SYNDIG1: variants seen among roughly 807,000 people sequenced by gnomAD.
SYNDIG1 encodes the protein synapse differentiation inducing 1.
SYNDIG1 carries 9 observed loss-of-function variants against 19.4 expected under a neutral mutation model. The observed-to-expected ratio is 0.46, with a 90% CI of 0.28 to 0.81. The LOEUF (loss-of-function observed/expected upper bound fraction) is 0.81, where lower values mean the gene tolerates loss of function less well. Ranked by LOEUF, SYNDIG1 falls within the 30% of genes least tolerant of loss-of-function variation. The pLI is 0.12. For synonymous variants in SYNDIG1, 141 were observed against 145.9 expected, an observed-to-expected ratio of 0.97 and a Z score of 0.24; for missense variants, 311 against 343.3, an observed-to-expected ratio of 0.91 and a Z score of 0.74.
chr20:24,481,381 G>A (rs904072516), intron 1 of SYNDIG1, among the ~76,000 whole-genome samples: 1 of 152,164 alleles, frequency 6.6e-6, no homozygotes, highest in Non-Finnish European at 1.5e-5. Flanking sequence ...CTCACTCGAA[G>A]CCTGGACCAG....
At chr20:24,475,412 A>G (rs2055589887) in intron 1 of SYNDIG1, among the ~76,000 whole-genome samples, 1 of 152,222 alleles carries the variant, frequency 6.6e-6, no homozygotes. Context: ...CTGACATCTC[A>G]GCCTCAGCCC....
At chr20:24,546,569 T>C (rs1215019314) in intron 2 of SYNDIG1, among the ~76,000 whole-genome samples, 1 of 152,194 alleles carries the variant, frequency 6.6e-6, no homozygotes, top group Non-Finnish European at 1.5e-5. Context: ...CCAGGCTTCA[T>C]TTTGCGGCAG....
At chr20:24,503,956 G>GATTTTTTTT (rs2056521206) in intron 1 of SYNDIG1, among the ~76,000 whole-genome samples, 6 of 125,292 alleles carry the variant, frequency 4.8e-5, no homozygotes, top group African/African-American at 2.0e-4. Context: ...GGGAGAGCAG[G>GATTTTTTTT]TTTTTTTTTT....
rs2059552150 is a variant in SYNDIG1 at position 24,658,548 on chromosome 20, T to C, written c.619-6798T>C. ...TCCCCCTCCCACGGTCACCCCTGTG[T>C]CCTTCATCTTGCAGCCGTTTCATTA... On this transcript the variant is annotated intron_variant, in intron 3 of 3. Coordinates refer to ENST00000376862, the MANE Select transcript of SYNDIG1 (RefSeq NM_024893.3). This position sits in a 1 kb window ranked among gnomAD's most constrained non-coding sequence, Gnocchi z 4.4. 6.6e-6 allele frequency among the ~76,000 whole-genome samples: 1 copy of C among 151,958 alleles called. No homozygotes were observed. Among genetic ancestry groups the C allele is most frequent in the South Asian group, 2.1e-4 (1 of 4,814 alleles).
intron 1 of SYNDIG1, among the ~76,000 whole-genome samples, chr20:24,474,787 T>A (rs1439468541): frequency 2.0e-5 from 3 of 152,262 alleles, no homozygotes; most frequent in African/African-American, 7.2e-5. Flanking sequence ...TCAGTTGTAA[T>A]CTATCACTTG....
intron 1 of SYNDIG1, among the ~76,000 whole-genome samples, chr20:24,510,436 G>T (rs1301226438): frequency 6.6e-6 from 1 of 151,572 alleles, no homozygotes; most frequent in African/African-American, 2.4e-5. Context: ...AGGCATGGTG[G>T]TGGGCGCCTG....
intron 1 of SYNDIG1, among the ~76,000 whole-genome samples, chr20:24,497,703 A>T (rs2056337942): frequency 6.6e-6 from 1 of 152,156 alleles, no homozygotes; most frequent in Non-Finnish European, 1.5e-5. Flanking sequence ...AATGGATACA[A>T]GGGCTTCTAG....
At chr20:24,623,926 T>C (rs953012790) in intron 3 of SYNDIG1, among the ~76,000 whole-genome samples, 4 of 152,178 alleles carry the variant, frequency 2.6e-5, no homozygotes, top group Non-Finnish European at 5.9e-5. Flanking sequence ...ATCAGTTATA[T>C]ATGACATTTA....
chr20:24,521,117 G>T (rs1256463165), intron 1 of SYNDIG1, among the ~76,000 whole-genome samples: 1 of 152,150 alleles, frequency 6.6e-6, no homozygotes, highest in African/African-American at 2.4e-5. Context: ...GTCTTCAAGG[G>T]TCATCCATGC....
At chr20:24,585,809 G>C (rs2058407742) in intron 3 of SYNDIG1, among the ~76,000 whole-genome samples, 1 of 152,248 alleles carries the variant, frequency 6.6e-6, no homozygotes, top group African/African-American at 2.4e-5. Flanking sequence ...GCACTCCTCT[G>C]CTGGCCCAGG....
chr20:24,556,896 A>G (rs1410928277), intron 2 of SYNDIG1, among the ~76,000 whole-genome samples: 1 of 152,124 alleles, frequency 6.6e-6, no homozygotes, highest in Non-Finnish European at 1.5e-5. Context: ...TATCCTGCAG[A>G]GTGTTTTCCA....
intron 2 of SYNDIG1, among the ~76,000 whole-genome samples, chr20:24,566,500 G>T (rs1347372330): frequency 6.6e-6 from 1 of 152,212 alleles, no homozygotes; most frequent in African/African-American, 2.4e-5. Flanking sequence ...AGAAGCATGG[G>T]TCTAAGGCGC....
At chr20:24,522,914 A>G (rs2057035033) in intron 1 of SYNDIG1, among the ~76,000 whole-genome samples, 1 of 152,150 alleles carries the variant, frequency 6.6e-6, no homozygotes, top group Non-Finnish European at 1.5e-5. Flanking sequence ...ACACAGCAAG[A>G]ACTTACTCCT....
intron 1 of SYNDIG1, among the ~76,000 whole-genome samples, chr20:24,521,574 T>TG (rs5841036): frequency 0.98 from 149,750 of 152,240 alleles, 73,677 homozygotes; most frequent in African/African-American, 1. Context: ...ATGGTTATTC[T>TG]GCTAGTATAA....
Position 24,649,120 on chromosome 20 carries a change from G to A in SYNDIG1, c.619-16226G>A, listed in dbSNP as rs1235673787. ...GTGCAGGGAAGCATGACCTGAACCA[G>A]GGGCCAAGGAAGCCTCCCCCAGGGA... On this transcript the variant is annotated intron_variant, in intron 3 of 3. Transcript: ENST00000376862. 2.0e-5 allele frequency among the ~76,000 whole-genome samples: 3 copies of A among 152,180 alleles called. No homozygotes were observed. The East Asian group carries it at 5.8e-4, about 29-fold the overall frequency.
chr20:24,543,671 A>C (rs1356234601), intron 2 of SYNDIG1, 94 bp downstream of exon 2: 2 of 1,514,518 alleles, frequency 1.3e-6, no homozygotes, highest in East Asian at 4.5e-5. Context: ...AAGTTAGGGA[A>C]TGAAACTAGT....
chr20:24,663,740 T>C (rs112365733), intron 3 of SYNDIG1, among the ~76,000 whole-genome samples: 2 of 152,180 alleles, frequency 1.3e-5, no homozygotes, highest in Non-Finnish European at 2.9e-5. Context: ...AGGTGCCCAG[T>C]CAGCTGTAGC....
intron 1 of SYNDIG1, among the ~76,000 whole-genome samples, chr20:24,470,574 T>C (rs1196948008): frequency 1.4e-5 from 2 of 144,244 alleles, no homozygotes; most frequent in East Asian, 3.9e-4. Flanking sequence ...TCATGTGCAC[T>C]CTCTGGGCAG....
chr20:24,565,054 A>AC (rs2058019642), intron 2 of SYNDIG1, among the ~76,000 whole-genome samples: 1 of 152,112 alleles, frequency 6.6e-6, no homozygotes. Context: ...ATTAAAAAAC[A>AC]CCCCCTTGAT....
Sources: allele counts gnomAD v4.1 joint callset (sites outside exome capture counted in the v4.1 genomes callset), GRCh38; gene constraint gnomAD v4.1.1; non-coding constraint Gnocchi (gnomAD v3.1); transcripts MANE v1.5; gene names NCBI Gene and HGNC (gene_info 2026-07-23, HGNC 2026-07-21).